UBXN2B: variants seen among roughly 807,000 people sequenced by gnomAD.
The protein encoded by UBXN2B is UBX domain-containing protein 2B.
Under a neutral mutation model 37.5 loss-of-function variants are expected in UBXN2B, and 19 were observed. The observed-to-expected ratio is 0.51, with a 90% CI of 0.35 to 0.74. The LOEUF (loss-of-function observed/expected upper bound fraction) is 0.74. Ranked by LOEUF, UBXN2B falls within the 30% of genes least tolerant of loss-of-function variation. The pLI, the probability that UBXN2B is intolerant of heterozygous loss-of-function variation, is 0.01. For synonymous variants in UBXN2B, 145 were observed against 143.8 expected (o/e 1.01, Z -0.06); for missense variants, 370 against 393.2 (o/e 0.94, Z 0.50).
chr8:58,414,960 A>G (rs1807735142), intron 1 of UBXN2B, among the ~76,000 whole-genome samples: 2 of 152,174 alleles, frequency 1.3e-5, no homozygotes, highest in African/African-American at 4.8e-5. Context: ...GTGTTTAACA[A>G]ATATAACCCC....
rs1230666609 is a variant in UBXN2B at position 58,435,096 on chromosome 8, T to C, written c.533+592T>C. 1.5e-5 allele frequency: 22 copies of C among 1,423,522 alleles called. No individual in the cohort carries two copies. The South Asian group carries it at 2.4e-4, about 16-fold the overall frequency. 88.2% of individuals were successfully genotyped at this position (1,423,522 alleles called of 1,614,324 possible). ...TGATAATAAAAGCTTTTCTGTGTTA[T>C]GATTAAACTAGCTGAAAGTGGAGTT... is the stretch of plus-strand genomic sequence containing the variant. On this transcript the variant is annotated intron_variant, in intron 5 of 7. Coordinates refer to ENST00000399598, the MANE Select transcript of UBXN2B (RefSeq NM_001077619.2).
Position 58,447,481 on chromosome 8 carries a change from T to G in UBXN2B, c.926T>G (p.Leu309Arg), listed in dbSNP as rs1327244132. 1 of 1,613,568 alleles carries G rather than the reference T, an allele frequency of 6.2e-7. No homozygotes were observed. Among genetic ancestry groups the G allele is most frequent in the Non-Finnish European group, 8.5e-7 (1 of 1,179,648 alleles). The change falls in exon 8 of 8, where the codon CTA becomes CGA. Residue 309 changes from leucine (L) to arginine (R), a missense_variant. Transcript: ENST00000399598. ...GTGACTTCATTTCCGAATAAAGAGC[T>G]AACAGATGAAAGCCTGACACTGCTA... ...ILVTSFPNKE[L>R]TDESLTLLEA...
intron 2 of UBXN2B, chr8:58,426,504 G>T (rs1212367609): frequency 4.2e-6 from 3 of 721,280 alleles, no homozygotes; most frequent in Non-Finnish European, 7.8e-6. Context: ...CACCGTGACC[G>T]GCCCAGTGTT....
chr8:58,423,097 CAT>C (rs1807971292), intron 2 of UBXN2B, among the ~76,000 whole-genome samples: 10 of 151,884 alleles, frequency 6.6e-5, no homozygotes, highest in Non-Finnish European at 1.3e-4. Flanking sequence ...TCATCATCAT[CAT>C]CATCATCATC....
At chr8:58,416,769 A>C (rs948025795) in intron 1 of UBXN2B, 81 bp from the exon 2 acceptor site, 1 of 1,146,354 alleles carries the variant, frequency 8.7e-7, no homozygotes, top group Non-Finnish European at 1.2e-6. Context: ...ATTTTAAGTT[A>C]GTGTTCTATA....
At chr8:58,436,622 A>G (rs1312601427) in intron 5 of UBXN2B, among the ~76,000 whole-genome samples, 2 of 152,206 alleles carry the variant, frequency 1.3e-5, no homozygotes, top group African/African-American at 2.4e-5. Flanking sequence ...TGTTTGGATC[A>G]TGGGGTGGAT....
Position 58,417,584 on chromosome 8 carries a change from T to C in UBXN2B, c.188+631T>C, listed in dbSNP as rs117638264. ...ATGAGAACCAGGTGTCTTTTATTGC[T>C]GTGAGTTTTCTTGTTGCCAGGAATA... On this transcript the variant is annotated intron_variant, in intron 2 of 7. Transcript: ENST00000399598. 8.4e-3 allele frequency among the ~76,000 whole-genome samples: 1,276 copies of C among 152,332 alleles called. 13 individuals are homozygous for C. The highest frequency in any genetic ancestry group is 0.015 in the Non-Finnish European group (996 of 68,032).
intron 6 of UBXN2B, 61 bp downstream of exon 6, chr8:58,439,831 GA>G (rs1262245110): frequency 6.5e-7 from 1 of 1,535,646 alleles, no homozygotes; most frequent in African/African-American, 1.4e-5. Flanking sequence ...TTGAGAATAA[GA>G]AAAGCAAAAT....
Position 58,449,091 on chromosome 8 carries a change from TC to T in UBXN2B, c.*1541del. 2.0e-5 allele frequency: 3 copies of T among 152,300 alleles called. No individual in the cohort carries two copies. The highest frequency in any genetic ancestry group is 7.2e-5 in the African/African-American group (3 of 41,542). 9.4% of individuals were successfully genotyped at this position (152,300 alleles called of 1,614,324 possible). On this transcript the variant is annotated 3_prime_UTR_variant, in exon 8 of 8. Transcript: ENST00000399598. ...TATGACCCTTCTGTTACCACATCTC[TC>T]TGACACCAGTGTGGAGAGGTTCTCT...
intron 1 of UBXN2B, among the ~76,000 whole-genome samples, chr8:58,411,837 A>G (rs548234647): frequency 7.9e-5 from 12 of 152,224 alleles, no homozygotes; most frequent in Non-Finnish European, 1.5e-4. Flanking sequence ...CAGTCACCTG[A>G]ACAGTAATGA....
At position 58,449,470 on chromosome 8, in the gene UBXN2B, C is replaced by T. The variant is rs1405841021; in HGVS notation, c.*1919C>T. The T allele has an allele frequency of 6.6e-6, 1 of 152,170 alleles. No individual in the cohort carries two copies. The highest frequency in any genetic ancestry group is 1.5e-5 in the Non-Finnish European group (1 of 68,038). 9.4% of individuals were successfully genotyped at this position (152,170 alleles called of 1,614,324 possible). Reference sequence around the variant, plus strand: ...AAAAGTCTCAAATCTCACATTGAAGCCATCTAAATTAAGTTTGGGAGAGGA... The same window carrying T: ...AAAAGTCTCAAATCTCACATTGAAGTCATCTAAATTAAGTTTGGGAGAGGA... On this transcript the variant is annotated 3_prime_UTR_variant, in exon 8 of 8. Transcript: ENST00000399598.
rs144593059 is a variant in UBXN2B, at chr8:58,417,661, G to T, written c.188+708G>T. On this transcript the variant is annotated intron_variant, in intron 2 of 7. Transcript: ENST00000399598. ...TAAATACCATCCCTGGGGAAGAAAC[G>T]TCAGTTTTCCCATTATATCTTATTC... 3.3e-5 allele frequency among the ~76,000 whole-genome samples: 5 copies of T among 152,234 alleles called. No homozygotes were observed. In the East Asian group the frequency reaches 9.6e-4, roughly 29 times the overall value.
chr8:58,447,338 A>G, intron 7 of UBXN2B, 51 bp from the exon 8 acceptor site: 1 of 1,475,644 alleles, frequency 6.8e-7, no homozygotes, highest in South Asian at 1.4e-5. Flanking sequence ...TTAAGTTTAC[A>G]TGAAAATATG....
chr8:58,423,593 G>A (rs529956274), intron 2 of UBXN2B, among the ~76,000 whole-genome samples: 6 of 151,794 alleles, frequency 4.0e-5, no homozygotes, highest in Non-Finnish European at 8.8e-5. Flanking sequence ...CCGCCACCAC[G>A]CCCTGCTAAT....
chr8:58,424,711 C>T, intron 2 of UBXN2B: 1 of 1,345,104 alleles, frequency 7.4e-7, no homozygotes, highest in Admixed American at 1.7e-5. Context: ...CTGATCTCCA[C>T]TCGTCTGGTC....
At chr8:58,444,552 A>T (rs1585620861) in intron 6 of UBXN2B, among the ~76,000 whole-genome samples, 2 of 152,170 alleles carry the variant, frequency 1.3e-5, no homozygotes, top group Middle Eastern at 3.2e-3. Context: ...GATAATGTGT[A>T]TACCTGGTTA....
In UBXN2B at chr8:58,412,929, G is replaced by A. The variant is rs538525473; in HGVS notation, c.84+1460G>A. Among the ~76,000 whole-genome samples, 312 of 152,274 alleles carry A rather than the reference G, an allele frequency of 2.0e-3. 3 individuals are homozygous for A. Among genetic ancestry groups the A allele is most frequent in the Non-Finnish European group, 3.8e-3 (260 of 68,020 alleles). ...GGAGAAAGATGCTATAACTTTCCCTGGCTAGTCAATTCTAATATCATTAAA... is the reference window on the plus strand; with the variant it reads ...GGAGAAAGATGCTATAACTTTCCCTAGCTAGTCAATTCTAATATCATTAAA... On this transcript the variant is annotated intron_variant, in intron 1 of 7. Coordinates refer to ENST00000399598, the MANE Select transcript of UBXN2B (RefSeq NM_001077619.2).
intron 6 of UBXN2B, among the ~76,000 whole-genome samples, chr8:58,442,140 G>A (rs966952870): frequency 6.6e-6 from 1 of 152,134 alleles, no homozygotes; most frequent in African/African-American, 2.4e-5. Flanking sequence ...CACCAAACAA[G>A]TGTATGTTTG....
intron 2 of UBXN2B, among the ~76,000 whole-genome samples, chr8:58,419,773 G>C (rs370533900): frequency 9.5e-4 from 144 of 152,332 alleles, no homozygotes; most frequent in African/African-American, 3.4e-3. Flanking sequence ...ACCAGAAAAA[G>C]AACCAGCAGA....
Sources: gnomAD v4.1 joint callset for allele counts (sites outside exome capture counted in the v4.1 genomes callset) on GRCh38, gnomAD v4.1.1 for gene constraint, MANE v1.5 for transcripts, NCBI Gene and HGNC (gene_info 2026-07-23, HGNC 2026-07-21) for gene names.